The following IFI16 variants were observed in gnomAD, a reference collection of about 807,000 sequenced individuals.
IFI16 encodes the protein gamma-interferon-inducible protein 16.
IFI16 carries 49 observed loss-of-function variants against 68.4 expected under a neutral mutation model. The ratio of observed to expected loss-of-function variants is 0.72; its 90% confidence interval spans 0.57 to 0.91. The LOEUF (loss-of-function observed/expected upper bound fraction) is 0.91, where lower values mean the gene tolerates loss of function less well. Ranked by LOEUF, IFI16 falls within the 40% of genes least tolerant of loss-of-function variation. The pLI is 0.00. For synonymous variants in IFI16, 307 were observed against 315.0 expected, an observed-to-expected ratio of 0.97 and a Z score of 0.27; for missense variants, 878 against 942.9, an observed-to-expected ratio of 0.93 and a Z score of 0.90.
At chr1:159,010,847 G>A (rs948015792) in intron 1 of IFI16, among the ~76,000 whole-genome samples, 3 of 151,992 alleles carry the variant, frequency 2.0e-5, no homozygotes, top group African/African-American at 4.8e-5. Flanking sequence ...GGAGTGGAGG[G>A]GAAGGCAGTT....
intron 5 of IFI16, 55 bp downstream of exon 5, chr1:159,018,706 G>A: frequency 8.1e-7 from 1 of 1,236,854 alleles, no homozygotes. Flanking sequence ...GAAATTAAAA[G>A]TCTTGATGTG....
upstream of IFI16, among the ~76,000 whole-genome samples, chr1:159,008,263 A>G (rs1447536247): frequency 6.6e-6 from 1 of 152,214 alleles, no homozygotes; most frequent in Non-Finnish European, 1.5e-5. Context: ...ATTTATATAT[A>G]TGTATATATA....
Position 159,017,575 on chromosome 1 carries a change from T to G in IFI16, c.550-654T>G, listed in dbSNP as rs1238656133. ...TGGTAAGAGAAATAGTATAAGAAATTATTTCATTCTAAAATTTATTTATTT... is the reference window on the plus strand; with the variant it reads ...TGGTAAGAGAAATAGTATAAGAAATGATTTCATTCTAAAATTTATTTATTT... On this transcript the variant is annotated intron_variant, in intron 4 of 11. Transcript: ENST00000295809. Among the ~76,000 whole-genome samples the G allele has an allele frequency of 2.0e-5, 3 of 150,328 alleles. No homozygotes were observed. In the East Asian group the frequency reaches 5.8e-4, roughly 29 times the overall value.
chr1:159,028,875 G>A (rs12094741), intron 6 of IFI16, among the ~76,000 whole-genome samples: 42,816 of 151,624 alleles, frequency 0.28, 8,136 homozygotes, highest in African/African-American at 0.54. Context: ...GTTTATGTGA[G>A]GCCTTATGTG....
chr1:159,020,303 T>C, intron 5 of IFI16, 38 bp from the exon 6 acceptor site: 1 of 1,483,534 alleles, frequency 6.7e-7, no homozygotes, highest in Middle Eastern at 1.7e-4. Flanking sequence ...TGTTATTAAT[T>C]ACATTCTCAG....
At position 159,018,658 on chromosome 1, in the gene IFI16, C is replaced by T; in HGVS notation, c.972+7C>T. The T allele has an allele frequency of 6.4e-7, 1 of 1,572,598 alleles. No individual in the cohort carries two copies. Among genetic ancestry groups the T allele is most frequent in the Non-Finnish European group, 8.6e-7 (1 of 1,159,900 alleles). On this transcript the variant is annotated splice_region_variant and intron_variant, in intron 5 of 11. Coordinates refer to ENST00000295809, the MANE Select transcript of IFI16 (RefSeq NM_001376587.1). ...GGTATTTATGCTACATAAGGTAAGT[C>T]CTCAAAATTGTTTCGTTTCATTTTT...
rs924729073 is a variant in IFI16 at position 159,010,012 on chromosome 1, T to C, written c.-170T>C. 8 of 152,314 alleles carry C rather than the reference T, an allele frequency of 5.3e-5. No homozygotes were observed. The highest frequency in any genetic ancestry group is 1.9e-4 in the African/African-American group (8 of 41,558). The allele number at this position is 152,314 out of a possible 1,614,324, so 9.4% of individuals were successfully genotyped here. ...CTTGTTATCTTTGCAGATACTTCAT[T>C]TTCTTAGCGTTTCTGGAGATTACAA... is the stretch of plus-strand genomic sequence containing the variant. On this transcript the variant is annotated 5_prime_UTR_variant, in exon 1 of 12. Coordinates refer to ENST00000295809, the MANE Select transcript of IFI16 (RefSeq NM_001376587.1).
At chr1:159,046,531 A>G (rs1194716409) in intron 8 of IFI16, among the ~76,000 whole-genome samples, 2 of 151,360 alleles carry the variant, frequency 1.3e-5, no homozygotes, top group East Asian at 3.9e-4. Context: ...TTTTTCCTGA[A>G]TAACAATTCC....
chr1:159,011,854 C>T (rs1467361583), intron 1 of IFI16, among the ~76,000 whole-genome samples: 2 of 151,916 alleles, frequency 1.3e-5, no homozygotes, highest in East Asian at 1.9e-4. Flanking sequence ...CAGGTCAGAC[C>T]TTTTAGGTAT....
intron 7 of IFI16, among the ~76,000 whole-genome samples, chr1:159,040,525 T>C (rs1654563605): frequency 6.6e-6 from 1 of 152,246 alleles, no homozygotes; most frequent in Non-Finnish European, 1.5e-5. Context: ...TTTTATGTTC[T>C]AAATTTAGAA....
At chr1:159,043,786 A>G (rs1654811228) in intron 7 of IFI16, among the ~76,000 whole-genome samples, 1 of 152,244 alleles carries the variant, frequency 6.6e-6, no homozygotes, top group African/African-American at 2.4e-5. Context: ...CTTTTAAAAT[A>G]TTATTCAAAC....
upstream of IFI16, among the ~76,000 whole-genome samples, chr1:159,007,664 A>T (rs914867766): frequency 1.3e-5 from 2 of 152,166 alleles, no homozygotes; most frequent in African/African-American, 4.8e-5. Flanking sequence ...TGGGGTCCTC[A>T]TAATGTGATT....
intron 6 of IFI16, among the ~76,000 whole-genome samples, chr1:159,030,737 T>C (rs1266851191): frequency 6.6e-6 from 1 of 152,140 alleles, no homozygotes; most frequent in Non-Finnish European, 1.5e-5. Flanking sequence ...TAATTTTGTT[T>C]ATTGGGATAA....
chr1:159,014,629 T>C, intron 1 of IFI16, 32 bp from the exon 2 acceptor site: 2 of 1,421,512 alleles, frequency 1.4e-6, no homozygotes, highest in South Asian at 1.4e-5. Flanking sequence ...TGTATACATG[T>C]GTAACACTGT....
chr1:159,048,314 T>A (rs144100506), intron 8 of IFI16, among the ~76,000 whole-genome samples: 6 of 151,424 alleles, frequency 4.0e-5, no homozygotes, highest in African/African-American at 1.5e-4. Flanking sequence ...TATAACACCA[T>A]ACAAAAATGC....
chr1:159,038,656 T>G (rs1044546896), intron 7 of IFI16, among the ~76,000 whole-genome samples: 22 of 152,330 alleles, frequency 1.4e-4, no homozygotes, highest in Non-Finnish European at 2.6e-4. Context: ...CACAAGCCAC[T>G]GCATGCAGCT....
Position 159,051,936 on chromosome 1 carries a change from C to T in IFI16, c.1923C>T (p.Phe641=). The T allele has an allele frequency of 1.2e-6, 2 of 1,614,092 alleles. No homozygotes were observed. The highest frequency in any genetic ancestry group is 1.7e-6 in the Non-Finnish European group (2 of 1,179,962). ...AIANYVCRNG[F]LEVYPFTLVA... ...CAAATTATGTTTGCCGCAATGGGTT[C>T]CTGGAGGTATATCCTTTCACACTTG... is the stretch of plus-strand genomic sequence containing the variant. Residue 641 remains phenylalanine, a synonymous_variant, in exon 10 of 12, where the codon TTC becomes TTT. Transcript: ENST00000295809.
chr1:159,045,710 CT>C (rs1391865656), intron 8 of IFI16, among the ~76,000 whole-genome samples: 3 of 150,666 alleles, frequency 2.0e-5, no homozygotes, highest in Non-Finnish European at 4.4e-5. Flanking sequence ...TTTGGCTTAC[CT>C]TTTTGTTTTT....
intron 9 of IFI16, among the ~76,000 whole-genome samples, chr1:159,050,948 G>C (rs1655319891): frequency 6.6e-6 from 1 of 152,146 alleles, no homozygotes; most frequent in African/African-American, 2.4e-5. Context: ...TCTTTAAAAT[G>C]CCCCTATCTA....
Sources: gnomAD v4.1 joint callset for allele counts (sites outside exome capture counted in the v4.1 genomes callset) on GRCh38, gnomAD v4.1.1 for gene constraint, MANE v1.5 for transcripts, NCBI Gene and HGNC (gene_info 2026-07-23, HGNC 2026-07-21) for gene names.